Variants in MAN1C1 observed in about 807,000 individuals in gnomAD.
MAN1C1 encodes the protein mannosyl-oligosaccharide 1,2-alpha-mannosidase IC.
MAN1C1 carries 49 observed loss-of-function variants against 71.5 expected under a neutral mutation model. The ratio of observed to expected loss-of-function variants is 0.69; its 90% CI spans 0.54 to 0.87. MAN1C1 has a LOEUF of 0.87. Among genes scored for constraint, MAN1C1 ranks in the 40% least tolerant of loss-of-function variants. The pLI, the probability that MAN1C1 is intolerant of heterozygous loss-of-function variation, is 0.00. For missense variants in MAN1C1, 743 were observed against 835.0 expected, an observed-to-expected ratio of 0.89 and a Z score of 1.36; for synonymous variants, 352 against 343.7, an observed-to-expected ratio of 1.02 and a Z score of -0.27.
intron 1 of MAN1C1, among the ~76,000 whole-genome samples, chr1:25,677,365 A>G (rs1303007508): frequency 6.6e-6 from 1 of 152,010 alleles, no homozygotes; most frequent in African/African-American, 2.4e-5. Flanking sequence ...ACAGGAAGGG[A>G]GGGGCTTCCA....
At position 25,730,865 on chromosome 1, in the gene MAN1C1, G is replaced by A. The variant is rs1206388751; in HGVS notation, c.638-15803G>A. Among the ~76,000 whole-genome samples the A allele has an allele frequency of 6.6e-6, 1 of 152,198 alleles. No homozygotes were observed. Among genetic ancestry groups the A allele is most frequent in the Non-Finnish European group, 1.5e-5 (1 of 68,036 alleles). The stretch of plus-strand genomic sequence containing the variant: ...CCTGATTCAGGCCACCCACATCTGC[G>A]ACAGGGTTATTGCTAGTACCTTGGA... On this transcript the variant is annotated intron_variant, in intron 2 of 11. Coordinates refer to ENST00000374332, the MANE Select transcript of MAN1C1 (RefSeq NM_020379.4). The surrounding 1 kb of genome is among the most constrained non-coding windows in gnomAD (Gnocchi z 4.3).
chr1:25,728,927 T>C (rs986758077), intron 2 of MAN1C1, among the ~76,000 whole-genome samples: 1 of 152,244 alleles, frequency 6.6e-6, no homozygotes, highest in Non-Finnish European at 1.5e-5. Context: ...AAGTGCCCAG[T>C]GTGGTCTGAG....
At chr1:25,626,760 A>G (rs543744841) in intron 1 of MAN1C1, among the ~76,000 whole-genome samples, 1 of 152,348 alleles carries the variant, frequency 6.6e-6, no homozygotes, top group South Asian at 2.1e-4. Context: ...TTGAATTGCA[A>G]GAATGCTTCA....
chr1:25,729,449 A>G (rs1474133621), intron 2 of MAN1C1, among the ~76,000 whole-genome samples: 1 of 151,850 alleles, frequency 6.6e-6, no homozygotes, highest in African/African-American at 2.4e-5. Context: ...CCAAGCCTAC[A>G]AGGCAGGCGT....
intron 1 of MAN1C1, among the ~76,000 whole-genome samples, chr1:25,644,341 A>G (rs566689517): frequency 2.6e-5 from 4 of 151,844 alleles, no homozygotes; most frequent in Admixed American, 6.6e-5. Context: ...ACAAGGTGAC[A>G]TAAAGAAGTG....
At position 25,783,701 on chromosome 1, in the gene MAN1C1, C is replaced by T. The variant is rs546055362; in HGVS notation, c.1805C>T (p.Ser602Phe). ...YLLFSEDDLLSLEDWVFNTEA... is the reference protein window; with the variant it reads ...YLLFSEDDLLFLEDWVFNTEA... ...CTGTTCTCTGAAGATGACTTGCTCT[C>T]CCTGGAAGACTGGGTGTTCAACACC... is the stretch of plus-strand genomic sequence containing the variant. Residue 602 changes from serine (S) to phenylalanine (F), a missense_variant, in exon 12 of 12, where the codon TCC becomes TTC. Physicochemically the swap from Ser to Phe is radical, Grantham distance 155 (BLOSUM62 -2). Transcript: ENST00000374332. The T allele has an allele frequency of 1.9e-6, 3 of 1,613,416 alleles. No individual in the cohort carries two copies. Among genetic ancestry groups the T allele is most frequent in the African/African-American group, 2.7e-5 (2 of 75,056 alleles).
chr1:25,761,620 C>CTATTTTTT (rs1330318972), intron 6 of MAN1C1: 1 of 95,820 alleles, frequency 1.0e-5, no homozygotes, highest in Admixed American at 1.5e-4. Context: ...ACCTCTACTT[C>CTATTTTTT]TTTTTTTTTT....
intron 3 of MAN1C1, among the ~76,000 whole-genome samples, chr1:25,747,429 C>T (rs2047145558): frequency 6.6e-6 from 1 of 152,344 alleles, no homozygotes; most frequent in African/African-American, 2.4e-5. Flanking sequence ...TAAAGCAAGG[C>T]ATGCATCCCA....
intron 2 of MAN1C1, among the ~76,000 whole-genome samples, chr1:25,708,325 G>A (rs767593813): frequency 4.6e-5 from 7 of 152,176 alleles, no homozygotes; most frequent in Non-Finnish European, 7.3e-5. Flanking sequence ...AATAGTCATG[G>A]CGCTGGTGGG....
At chr1:25,702,863 G>A (rs923751284) in intron 2 of MAN1C1, among the ~76,000 whole-genome samples, 8 of 152,170 alleles carry the variant, frequency 5.3e-5, no homozygotes, top group Admixed American at 1.3e-4. Context: ...GCATCTTTGC[G>A]TGCCAGTGAC....
intron 1 of MAN1C1, among the ~76,000 whole-genome samples, chr1:25,656,812 T>C (rs1340285600): frequency 6.7e-6 from 1 of 150,170 alleles, no homozygotes; most frequent in Non-Finnish European, 1.5e-5. Flanking sequence ...GATGGAAAGA[T>C]AGACCAACCT....
At position 25,771,757 on chromosome 1, in the gene MAN1C1, C is replaced by G; in HGVS notation, c.1242C>G (p.Tyr414Ter). ...CAGATATGGAGGCTAAAAATATGTA[C>G]TACGAAGCCTTGGAGGTAAGACAAG... ...GKTDMEAKNM[Y>*]YEALEAIETY... Residue 414 changes from tyrosine to a stop codon, truncating the protein, a stop_gained, in exon 8 of 12, where the codon TAC becomes TAG. Coordinates refer to ENST00000374332, the MANE Select transcript of MAN1C1 (RefSeq NM_020379.4). LOFTEE classifies it high-confidence loss of function. 6.2e-7 allele frequency: 1 copy of G among 1,613,184 alleles called. No homozygotes were observed. The highest frequency in any genetic ancestry group is 8.5e-7 in the Non-Finnish European group (1 of 1,179,204).
chr1:25,625,912 C>G (rs1346611029), intron 1 of MAN1C1, among the ~76,000 whole-genome samples: 1 of 152,190 alleles, frequency 6.6e-6, no homozygotes, highest in Admixed American at 6.5e-5. Flanking sequence ...TGAAATTGAT[C>G]CATATTGTGC....
intron 6 of MAN1C1, chr1:25,758,910 G>C (rs1285480547): frequency 1.6e-5 from 9 of 578,854 alleles, no homozygotes; most frequent in Non-Finnish European, 2.5e-5. Context: ...TGAGCACGCA[G>C]AGTCAATAAG....
intron 1 of MAN1C1, among the ~76,000 whole-genome samples, chr1:25,641,700 T>C (rs973271363): frequency 6.6e-6 from 1 of 152,202 alleles, no homozygotes; most frequent in Non-Finnish European, 1.5e-5. Flanking sequence ...CCTCGACTTA[T>C]CTCTTTTCTG....
chr1:25,654,696 G>C (rs2045738918), intron 1 of MAN1C1, among the ~76,000 whole-genome samples: 1 of 151,934 alleles, frequency 6.6e-6, no homozygotes, highest in Non-Finnish European at 1.5e-5. Flanking sequence ...CACCAGGCTG[G>C]AGTGCAGTGG....
Position 25,781,596 on chromosome 1 carries a change from A to T in MAN1C1, c.1650+484A>T, listed in dbSNP as rs559826196. On this transcript the variant is annotated intron_variant, in intron 10 of 11. Coordinates refer to ENST00000374332, the MANE Select transcript of MAN1C1 (RefSeq NM_020379.4). The stretch of plus-strand genomic sequence containing the variant: ...GCCCTCAGCCTCCGGCCCCACACCT[A>T]GGTGGAAATTTAATGGCTGTCTTGG... Among the ~76,000 whole-genome samples the T allele has an allele frequency of 3.3e-5, 5 of 152,072 alleles. No homozygotes were observed. In the East Asian group the frequency reaches 9.7e-4, roughly 29 times the overall value.
intron 1 of MAN1C1, among the ~76,000 whole-genome samples, chr1:25,673,801 G>A (rs1227404463): frequency 3.9e-5 from 6 of 152,290 alleles, no homozygotes; most frequent in East Asian, 1.9e-4. Context: ...GTGGAAGTGC[G>A]GTTTCTTTTG....
chr1:25,781,166 C>T (rs2047688625), intron 10 of MAN1C1, 54 bp downstream of exon 10: 10 of 1,588,534 alleles, frequency 6.3e-6, no homozygotes, highest in Non-Finnish European at 7.7e-6. Flanking sequence ...TGAGAATTTA[C>T]AGGCTGGGTG....
Sources: gnomAD v4.1 joint callset for allele counts (sites outside exome capture counted in the v4.1 genomes callset) on GRCh38, gnomAD v4.1.1 for gene constraint, Gnocchi (gnomAD v3.1) non-coding constraint, MANE v1.5 for transcripts, NCBI Gene and HGNC (gene_info 2026-07-23, HGNC 2026-07-21) for gene names.